The following MTMR12 variants were observed in gnomAD, a reference collection of about 807,000 sequenced individuals.
The protein encoded by MTMR12 is myotubularin related protein 12, also known as myotubularin-related protein 12.
A neutral mutation model predicts 96.7 loss-of-function variants in MTMR12; 33 were observed. The ratio of observed to expected loss-of-function variants is 0.34; its 90% confidence interval spans 0.26 to 0.46. The LOEUF (loss-of-function observed/expected upper bound fraction) is 0.46. MTMR12 is among the 20% of genes least tolerant of loss of function. MTMR12 has a pLI of 1.00. For synonymous variants in MTMR12, 298 were observed against 327.2 expected (o/e 0.91, Z 0.96); for missense variants, 721 against 896.1 (o/e 0.80, Z 2.49).
chr5:32,251,816 G>A (rs1055648949), intron 8 of MTMR12, among the ~76,000 whole-genome samples: 4 of 152,136 alleles, frequency 2.6e-5, no homozygotes, highest in African/African-American at 7.2e-5. Flanking sequence ...TGAAGGAAAC[G>A]GGAGCCCAGA....
intron 1 of MTMR12, among the ~76,000 whole-genome samples, chr5:32,308,895 G>A (rs1411415307): frequency 6.6e-6 from 1 of 152,096 alleles, no homozygotes; most frequent in South Asian, 2.1e-4. Context: ...GAGCCACCAC[G>A]CCCGGCCTTA....
At chr5:32,236,777 C>T (rs995098866) in intron 13 of MTMR12, among the ~76,000 whole-genome samples, 4 of 149,612 alleles carry the variant, frequency 2.7e-5, no homozygotes, top group East Asian at 3.9e-4. Flanking sequence ...GAGGAGGTGG[C>T]AATGAGCCAA....
intron 10 of MTMR12, among the ~76,000 whole-genome samples, chr5:32,247,080 C>T (rs1051255709): frequency 2.6e-5 from 4 of 152,092 alleles, no homozygotes; most frequent in African/African-American, 9.7e-5. Flanking sequence ...GTCCAGGCAG[C>T]GGCTCATGCC....
At chr5:32,287,540 T>C (rs768058294) in intron 1 of MTMR12, among the ~76,000 whole-genome samples, 2 of 152,190 alleles carry the variant, frequency 1.3e-5, no homozygotes, top group Non-Finnish European at 2.9e-5. Context: ...CCTTTATATA[T>C]ATACACATAC....
intron 1 of MTMR12, among the ~76,000 whole-genome samples, chr5:32,299,409 A>C (rs1751048453): frequency 6.6e-6 from 1 of 152,212 alleles, no homozygotes; most frequent in Admixed American, 6.5e-5. Flanking sequence ...TACAAGTGCC[A>C]GAAAAAAGGT....
chr5:32,253,126 C>T (rs1211367902), intron 8 of MTMR12, among the ~76,000 whole-genome samples: 3 of 152,204 alleles, frequency 2.0e-5, no homozygotes, highest in Admixed American at 6.5e-5. Flanking sequence ...GTTGTCACAA[C>T]TCACGGGATA....
chr5:32,282,425 AAATAAATAAAT>A (rs1750336614), intron 1 of MTMR12, among the ~76,000 whole-genome samples: 1 of 102,742 alleles, frequency 9.7e-6, no homozygotes, highest in East Asian at 2.4e-4. Context: ...CATCTAAAAT[AAATAAATAAAT>A]AAATAAATAA....
chr5:32,294,377 A>G (rs1750847466), intron 1 of MTMR12, among the ~76,000 whole-genome samples: 1 of 151,496 alleles, frequency 6.6e-6, no homozygotes, highest in Non-Finnish European at 1.5e-5. Context: ...ATCTTGGCTC[A>G]CTGCAACTTC....
chr5:32,242,632 C>T (rs1004896454), intron 11 of MTMR12, among the ~76,000 whole-genome samples: 2 of 151,738 alleles, frequency 1.3e-5, no homozygotes, highest in Admixed American at 6.6e-5. Context: ...GGGGCCTTCA[C>T]ATCTGTTGTC....
intron 1 of MTMR12, among the ~76,000 whole-genome samples, chr5:32,282,465 A>T (rs1375719019): frequency 6.7e-6 from 1 of 148,960 alleles, no homozygotes; most frequent in Non-Finnish European, 1.5e-5. Flanking sequence ...ATAAATAAAT[A>T]AAATAAAAAA....
intron 10 of MTMR12, 57 bp from the exon 11 acceptor site, chr5:32,243,656 A>G: frequency 8.8e-7 from 1 of 1,131,328 alleles, no homozygotes; most frequent in East Asian, 2.3e-5. Flanking sequence ...CATACTTGCC[A>G]CAAAAATCCT....
intron 15 of MTMR12, among the ~76,000 whole-genome samples, chr5:32,231,229 C>T (rs1433304545): frequency 1.3e-5 from 2 of 151,942 alleles, no homozygotes; most frequent in Non-Finnish European, 2.9e-5. Context: ...AACCCCATCT[C>T]CACTAAAAAT....
chr5:32,270,268 TGAG>T (rs1240632900), intron 5 of MTMR12, among the ~76,000 whole-genome samples: 1 of 152,204 alleles, frequency 6.6e-6, no homozygotes, highest in Non-Finnish European at 1.5e-5. Flanking sequence ...AACCACTTTC[TGAG>T]TTCACCTAGT....
In MTMR12 at chr5:32,268,377, G is replaced by A. The variant is rs572904953; in HGVS notation, c.583+324C>T. 9.2e-5 allele frequency among the ~76,000 whole-genome samples: 14 copies of A among 152,020 alleles called. No individual in the cohort carries two copies. In the South Asian group the frequency reaches 2.5e-3, roughly 27 times the overall value. ...ACAAAAATTAGTCAGGCATGGTGGT[G>A]GGCACCTGTAATCCCAGTTATTCAG... On this transcript the variant is annotated intron_variant, in intron 6 of 15. Transcript: ENST00000382142.
intron 14 of MTMR12, 21 bp downstream of exon 14, chr5:32,234,941 G>T (rs1044092069): frequency 6.3e-7 from 1 of 1,593,170 alleles, no homozygotes; most frequent in African/African-American, 1.3e-5. Flanking sequence ...TAATACACAG[G>T]TTCCTAAGAG....
chr5:32,270,876 TG>T lies in MTMR12; in HGVS notation c.429del (p.Cys143Ter). Reference protein sequence around the residue: ...KKYPEKLIIHCKDLRVFQFCL... With the variant: ...KKYPEKLIIHXKDLRVFQFCL... ...CAAAACTGGAACACTCGAAGGTCTT[TG>T]CAGTGGATGATGAGCTTCTCAGGGT... On this transcript the variant is annotated frameshift_variant, in exon 5 of 16. Coordinates refer to ENST00000382142, the MANE Select transcript of MTMR12 (RefSeq NM_001040446.3). LOFTEE classifies it high-confidence loss of function. 6.2e-7 allele frequency: 1 copy of T among 1,614,126 alleles called. No individual in the cohort carries two copies. Among genetic ancestry groups the T allele is most frequent in the Non-Finnish European group, 8.5e-7 (1 of 1,179,976 alleles).
At chr5:32,237,734 C>T (rs188960112) in intron 13 of MTMR12, among the ~76,000 whole-genome samples, 1 of 151,870 alleles carries the variant, frequency 6.6e-6, no homozygotes, top group Non-Finnish European at 1.5e-5. Context: ...ATGGTGTCGA[C>T]CTCCTGACCT....
chr5:32,274,234 A>G (rs1384081617), intron 2 of MTMR12, 112 bp from the exon 3 acceptor site: 2 of 1,267,800 alleles, frequency 1.6e-6, no homozygotes, highest in African/African-American at 3.0e-5. Flanking sequence ...AATACAACAC[A>G]GGGCTTTAGA....
At chr5:32,276,208 A>C (rs1423984850) in intron 2 of MTMR12, among the ~76,000 whole-genome samples, 1 of 152,236 alleles carries the variant, frequency 6.6e-6, no homozygotes, top group African/African-American at 2.4e-5. Context: ...TGCAGGGCGA[A>C]GTGCTGGCAG....
Sources: allele counts gnomAD v4.1 joint callset (sites outside exome capture counted in the v4.1 genomes callset), GRCh38; gene constraint gnomAD v4.1.1; transcripts MANE v1.5; gene names NCBI Gene and HGNC (gene_info 2026-07-23, HGNC 2026-07-21).